Variants in HS3ST3B1 observed in about 807,000 individuals in gnomAD.
HS3ST3B1 encodes the protein heparan sulfate-glucosamine 3-sulfotransferase 3B1.
In HS3ST3B1, 13 loss-of-function variants were observed where a neutral mutation model predicts 21.3. The ratio of observed to expected loss-of-function variants is 0.61; its 90% CI spans 0.40 to 0.97. The LOEUF is 0.97. HS3ST3B1 is among the 50% of genes least tolerant of loss of function. The probability of loss-of-function intolerance (pLI) is 0.00; values close to 1 mark genes in which losing one functional copy is unlikely to be tolerated. For missense variants in HS3ST3B1, 459 were observed against 554.8 expected, an observed-to-expected ratio of 0.83 and a Z score of 1.73; for synonymous variants, 234 against 254.8, an observed-to-expected ratio of 0.92 and a Z score of 0.78.
chr17:14,307,292 T>A (rs1909165409), intron 1 of HS3ST3B1, among the ~76,000 whole-genome samples: 1 of 152,178 alleles, frequency 6.6e-6, no homozygotes. Context: ...AATTGAAAAT[T>A]TACAATTTAG....
At position 14,345,991 on chromosome 17, in the gene HS3ST3B1, T is replaced by G. The variant is rs527466817; in HGVS notation, c.*345T>G. ...CCGTCTGAGTTCTCCAGTTGCTGCC[T>G]CCTTGTCTTGTCTTGGGTCTCCCAT... On this transcript the variant is annotated 3_prime_UTR_variant, in exon 2 of 2. Transcript: ENST00000360954. 63 of 225,330 alleles carry G rather than the reference T, an allele frequency of 2.8e-4. No homozygotes were observed. The highest frequency in any genetic ancestry group is 1.3e-3 in the African/African-American group (57 of 43,070). The allele number at this position is 225,330 out of a possible 1,614,324, so 14.0% of individuals were successfully genotyped here. A position where few individuals can be genotyped will look rare whatever the true frequency, so the allele number is the denominator to read the frequency against.
rs993746545 is a variant in HS3ST3B1 at position 14,346,027 on chromosome 17, C to T, written c.*381C>T. 1.7e-4 allele frequency: 35 copies of T among 201,710 alleles called. No homozygotes were observed. Among genetic ancestry groups the T allele is most frequent in the Non-Finnish European group, 2.8e-4 (28 of 99,620 alleles). 12.5% of individuals were successfully genotyped at this position (201,710 alleles called of 1,614,324 possible). A position where few individuals can be genotyped will look rare whatever the true frequency, so the allele number is the denominator to read the frequency against. ...TCTTGGGTCTCCCATTCCAGCTTCC[C>T]TGTCTCTTCCTGCCTGTGTACCTCG... On this transcript the variant is annotated 3_prime_UTR_variant, in exon 2 of 2. Transcript: ENST00000360954.
intron 1 of HS3ST3B1, among the ~76,000 whole-genome samples, chr17:14,313,732 G>A (rs1471545313): frequency 6.6e-6 from 1 of 151,668 alleles, no homozygotes; most frequent in Non-Finnish European, 1.5e-5. Flanking sequence ...CACCACACAC[G>A]GCTAATTTTG....
At chr17:14,343,275 A>C (rs1015754777) in intron 1 of HS3ST3B1, among the ~76,000 whole-genome samples, 1 of 152,120 alleles carries the variant, frequency 6.6e-6, no homozygotes, top group Non-Finnish European at 1.5e-5. Context: ...GAAAGATTCA[A>C]TCAAGCAAAT....
At chr17:14,330,021 T>G (rs1909957842) in intron 1 of HS3ST3B1, among the ~76,000 whole-genome samples, 1 of 152,240 alleles carries the variant, frequency 6.6e-6, no homozygotes, top group African/African-American at 2.4e-5. Context: ...AATGTTATCC[T>G]TTTACAGATG....
At chr17:14,302,351 A>G (rs1261430368) in intron 1 of HS3ST3B1, among the ~76,000 whole-genome samples, 1 of 151,926 alleles carries the variant, frequency 6.6e-6, no homozygotes, top group Non-Finnish European at 1.5e-5. Context: ...AGCGACTGAG[A>G]CCGCCCTCAG....
chr17:14,315,689 C>T (rs899308957), intron 1 of HS3ST3B1, among the ~76,000 whole-genome samples: 3 of 151,950 alleles, frequency 2.0e-5, no homozygotes, highest in African/African-American at 2.4e-5. Flanking sequence ...GGCGTGGTGG[C>T]GGGTGCCTCT....
chr17:14,334,287 G>C (rs2142347487), intron 1 of HS3ST3B1, among the ~76,000 whole-genome samples: 1 of 147,718 alleles, frequency 6.8e-6, no homozygotes, highest in Admixed American at 6.7e-5. Flanking sequence ...TTTTTAAATT[G>C]ACTTTATTTT....
intron 1 of HS3ST3B1, among the ~76,000 whole-genome samples, chr17:14,332,697 A>G (rs1482476982): frequency 6.6e-6 from 1 of 151,940 alleles, no homozygotes; most frequent in Non-Finnish European, 1.5e-5. Context: ...GGAACAGAGC[A>G]GGAGCTAAGG....
At chr17:14,324,096 C>G (rs1909738218) in intron 1 of HS3ST3B1, among the ~76,000 whole-genome samples, 1 of 152,156 alleles carries the variant, frequency 6.6e-6, no homozygotes, top group Non-Finnish European at 1.5e-5. Flanking sequence ...CTTTCTGGAC[C>G]CAGGAGCCCT....
At chr17:14,309,462 C>A (rs1026297445) in intron 1 of HS3ST3B1, among the ~76,000 whole-genome samples, 1 of 152,158 alleles carries the variant, frequency 6.6e-6, no homozygotes, top group African/African-American at 2.4e-5. Flanking sequence ...CGGCGGGACC[C>A]GTCTTCGCGC....
chr17:14,318,511 T>C (rs955494739), intron 1 of HS3ST3B1, among the ~76,000 whole-genome samples: 10 of 152,212 alleles, frequency 6.6e-5, no homozygotes, highest in African/African-American at 2.4e-4. Context: ...TCACTCACTG[T>C]GGAGGAACTC....
At chr17:14,328,244 T>A (rs1467519966) in intron 1 of HS3ST3B1, 2 of 152,346 alleles carry the variant, frequency 1.3e-5, no homozygotes, top group East Asian at 3.9e-4. Flanking sequence ...AGGCCTCCAA[T>A]GCTTTCCTTC....
chr17:14,315,419 A>G (rs1459855741), intron 1 of HS3ST3B1, among the ~76,000 whole-genome samples: 1 of 152,196 alleles, frequency 6.6e-6, no homozygotes, highest in Non-Finnish European at 1.5e-5. Context: ...ATTACTTATA[A>G]TAGTTTTAAG....
chr17:14,324,596 T>C (rs1328874002), intron 1 of HS3ST3B1, among the ~76,000 whole-genome samples: 1 of 152,108 alleles, frequency 6.6e-6, no homozygotes, highest in Non-Finnish European at 1.5e-5. Context: ...TTTCGTTTAT[T>C]TTTATCTATC....
In HS3ST3B1 at chr17:14,316,234, C is replaced by T. The variant is rs532549077; in HGVS notation, c.554+14162C>T. Among the ~76,000 whole-genome samples, 9 of 152,320 alleles carry T rather than the reference C, an allele frequency of 5.9e-5. No homozygotes were observed. The South Asian group carries it at 1.9e-3, about 32-fold the overall frequency. On this transcript the variant is annotated intron_variant, in intron 1 of 1. Coordinates refer to ENST00000360954, the MANE Select transcript of HS3ST3B1 (RefSeq NM_006041.3). Reference sequence around the variant, plus strand: ...TCATCTCAAACCTAATATGTCTGCACCCTCCCCCTGGCCCCAGATGATTGC... The same window carrying T: ...TCATCTCAAACCTAATATGTCTGCATCCTCCCCCTGGCCCCAGATGATTGC...
intron 1 of HS3ST3B1, among the ~76,000 whole-genome samples, chr17:14,309,363 C>G (rs1251256881): frequency 6.6e-6 from 1 of 152,220 alleles, no homozygotes; most frequent in East Asian, 1.9e-4. Context: ...GCCGGGTAGT[C>G]CTCCGTGGCC....
At chr17:14,308,825 T>C (rs1264403546) in intron 1 of HS3ST3B1, among the ~76,000 whole-genome samples, 1 of 152,198 alleles carries the variant, frequency 6.6e-6, no homozygotes, top group East Asian at 1.9e-4. Flanking sequence ...ACCTTACACG[T>C]AGGATTCAGA....
At chr17:14,326,079 T>C (rs984653937) in intron 1 of HS3ST3B1, among the ~76,000 whole-genome samples, 1 of 151,942 alleles carries the variant, frequency 6.6e-6, no homozygotes, top group African/African-American at 2.4e-5. Context: ...AGGAAGGATG[T>C]TGGGAATGTA....
Sources: allele counts gnomAD v4.1 joint callset (sites outside exome capture counted in the v4.1 genomes callset), GRCh38; gene constraint gnomAD v4.1.1; transcripts MANE v1.5; gene names NCBI Gene and HGNC (gene_info 2026-07-23, HGNC 2026-07-21).